EFCAB3: variants seen among roughly 807,000 people sequenced by gnomAD.
The protein encoded by EFCAB3 is EF-hand calcium binding domain 3, also known as EF-hand calcium-binding domain-containing protein 3.
In EFCAB3, 36 loss-of-function variants were observed where a neutral mutation model predicts 42.2. The observed-to-expected ratio is 0.85, with a 90% confidence interval of 0.65 to 1.13. EFCAB3 has a LOEUF of 1.13. Ranked by LOEUF, EFCAB3 falls within the 50% of genes most tolerant of loss-of-function variation. The probability of loss-of-function intolerance (pLI) is 0.00; values close to 1 mark genes in which losing one functional copy is unlikely to be tolerated. For missense variants in EFCAB3, 418 were observed against 505.1 expected (o/e 0.83, Z 1.65); for synonymous variants, 170 against 172.8 (o/e 0.98, Z 0.13).
At chr17:62,412,884 G>A (rs1185257726) in intron 8 of EFCAB3, among the ~76,000 whole-genome samples, 2 of 152,060 alleles carry the variant, frequency 1.3e-5, no homozygotes, top group South Asian at 2.1e-4. Flanking sequence ...TAAGGAAAAC[G>A]TGACATTTCA....
chr17:62,381,536 G>A (rs1490067696), intron 1 of EFCAB3: 1 of 154,264 alleles, frequency 6.5e-6, no homozygotes, highest in African/African-American at 2.4e-5. Flanking sequence ...CCGGGGTCTA[G>A]GGTAGCAGAA....
At chr17:62,394,960 C>A in intron 5 of EFCAB3, 108 bp from the exon 6 acceptor site, 3 of 1,408,762 alleles carry the variant, frequency 2.1e-6, no homozygotes, top group East Asian at 4.6e-5. Context: ...TTTTACTGTA[C>A]CTCTAGTTCC....
At chr17:62,379,457 T>C (rs2070178050), upstream of EFCAB3, among the ~76,000 whole-genome samples, 1 of 151,520 alleles carries the variant, frequency 6.6e-6, no homozygotes, top group Admixed American at 6.6e-5. Flanking sequence ...TAGCCTTTAA[T>C]ATAGTAGGCT....
At chr17:62,372,655 C>T (rs1326311400) in intron 1 of EFCAB3, among the ~76,000 whole-genome samples, 2 of 152,158 alleles carry the variant, frequency 1.3e-5, no homozygotes, top group African/African-American at 4.8e-5. Flanking sequence ...AAAAATTACT[C>T]CTTTAATAAT....
intron 6 of EFCAB3, among the ~76,000 whole-genome samples, chr17:62,398,513 A>C (rs187210044): frequency 0.064 from 8,144 of 126,322 alleles, 852 homozygotes; most frequent in East Asian, 0.46. Context: ...AAAAAAAAAA[A>C]CAAAAAATTA....
At chr17:62,402,971 G>A (rs906551726) in intron 6 of EFCAB3, among the ~76,000 whole-genome samples, 1 of 152,194 alleles carries the variant, frequency 6.6e-6, no homozygotes, top group African/African-American at 2.4e-5. Context: ...TTCAGAGCCT[G>A]TTATTGGTCT....
At chr17:62,395,248 A>G (rs2070339551) in intron 6 of EFCAB3, 60 bp downstream of exon 6, 1 of 1,592,688 alleles carries the variant, frequency 6.3e-7, no homozygotes, top group East Asian at 2.2e-5. Context: ...AGATATTAAC[A>G]TGGCAGTCAG....
chr17:62,376,434 A>G (rs2070151244), upstream of EFCAB3, among the ~76,000 whole-genome samples: 1 of 152,224 alleles, frequency 6.6e-6, no homozygotes, highest in Non-Finnish European at 1.5e-5. Flanking sequence ...ACTGCACTCC[A>G]GCCTGGGTGA....
chr17:62,376,463 A>G (rs572386695), upstream of EFCAB3, among the ~76,000 whole-genome samples: 10 of 152,266 alleles, frequency 6.6e-5, no homozygotes, highest in East Asian at 1.9e-3. Flanking sequence ...GACTCTGCCT[A>G]AAAAAACTTT....
At chr17:62,372,573 G>T (rs1467022676) in intron 1 of EFCAB3, among the ~76,000 whole-genome samples, 1 of 151,858 alleles carries the variant, frequency 6.6e-6, no homozygotes. Context: ...TGACCACCGC[G>T]CCCGGCCAGT....
intron 9 of EFCAB3, among the ~76,000 whole-genome samples, chr17:62,414,306 T>C (rs1361638104): frequency 1.3e-5 from 2 of 152,216 alleles, no homozygotes; most frequent in Non-Finnish European, 2.9e-5. Flanking sequence ...TGGCATTAGG[T>C]AAAGAACAGC....
At chr17:62,415,022 TC>T (rs1489482188) in intron 9 of EFCAB3, among the ~76,000 whole-genome samples, 3 of 151,824 alleles carry the variant, frequency 2.0e-5, no homozygotes, top group African/African-American at 7.3e-5. Flanking sequence ...GAGAATCCCT[TC>T]AACCCAGGAG....
At chr17:62,370,409 C>T (rs745611063) in intron 1 of EFCAB3, 120 of 1,340,970 alleles carry the variant, frequency 8.9e-5, no homozygotes, top group Non-Finnish European at 1.2e-4. Flanking sequence ...AATCCCAGCA[C>T]TTTGAGATGC....
intron 2 of EFCAB3, among the ~76,000 whole-genome samples, chr17:62,385,579 G>A (rs1419160351): frequency 3.3e-5 from 5 of 152,140 alleles, no homozygotes; most frequent in African/African-American, 9.7e-5. Flanking sequence ...GAACAGTTTT[G>A]AGACTATCAC....
At chr17:62,372,247 C>T (rs935184080) in intron 1 of EFCAB3, among the ~76,000 whole-genome samples, 1 of 152,082 alleles carries the variant, frequency 6.6e-6, no homozygotes, top group Non-Finnish European at 1.5e-5. Context: ...ATATTTTCTT[C>T]CTCTTCTCTC....
chr17:62,393,519 CT>C, intron 4 of EFCAB3, 53 bp from the exon 5 acceptor site: 2 of 1,339,260 alleles, frequency 1.5e-6, no homozygotes, highest in Admixed American at 3.6e-5. Flanking sequence ...AATATATACT[CT>C]GATAATTAAA....
At chr17:62,404,386 T>C (rs897991971) in intron 6 of EFCAB3, among the ~76,000 whole-genome samples, 1 of 152,176 alleles carries the variant, frequency 6.6e-6, no homozygotes, top group Non-Finnish European at 1.5e-5. Flanking sequence ...TGGTCCCAGC[T>C]ACTCAGGAGG....
rs35067521 is a variant in EFCAB3, at chr17:62,385,716, C to CTT, written c.75-1604_75-1603dup. On this transcript the variant is annotated intron_variant, in intron 2 of 9. Transcript: ENST00000305286. ...ATGTTTAGTATTTCTTCTAGTTTTACTTTTTTTTTTTTTTTTTTTTTGAGA... is the reference window on the plus strand; with the variant it reads ...ATGTTTAGTATTTCTTCTAGTTTTACTTTTTTTTTTTTTTTTTTTTTTTGAGA... Among the ~76,000 whole-genome samples the CTT allele has an allele frequency of 2.3e-3, 180 of 77,548 alleles. 7 individuals are homozygous for CTT. The highest frequency in any genetic ancestry group is 7.4e-3 in the East Asian group (24 of 3,224). 50.9% of individuals were successfully genotyped at this position (77,548 alleles called of 152,430 possible).
upstream of EFCAB3, among the ~76,000 whole-genome samples, chr17:62,379,867 T>C (rs189062709): frequency 6.6e-6 from 1 of 152,326 alleles, no homozygotes; most frequent in Non-Finnish European, 1.5e-5. Flanking sequence ...CCAATAATAC[T>C]AAAGACAGCC....
Sources: allele counts gnomAD v4.1 joint callset (sites outside exome capture counted in the v4.1 genomes callset), GRCh38; gene constraint gnomAD v4.1.1; transcripts MANE v1.5; gene names NCBI Gene and HGNC (gene_info 2026-07-23, HGNC 2026-07-21).